GOLPH3: variants seen among roughly 807,000 people sequenced by gnomAD.
GOLPH3 encodes golgi phosphoprotein 3, also known as coat protein GPP34.
Under a neutral mutation model 28.5 loss-of-function variants are expected in GOLPH3, and 14 were observed. The ratio of observed to expected loss-of-function variants is 0.49; its 90% CI spans 0.32 to 0.77. The LOEUF (loss-of-function observed/expected upper bound fraction) is 0.77. GOLPH3 is among the 30% of genes least tolerant of loss of function. The pLI is 0.03. For missense variants in GOLPH3, 350 were observed against 393.7 expected, an observed-to-expected ratio of 0.89 and a Z score of 0.94; for synonymous variants, 158 against 159.2, an observed-to-expected ratio of 0.99 and a Z score of 0.06.
intron 1 of GOLPH3, among the ~76,000 whole-genome samples, chr5:32,155,766 T>C (rs1746405773): frequency 1.3e-5 from 2 of 148,694 alleles, no homozygotes; most frequent in Non-Finnish European, 3.0e-5. Context: ...GAGACCAGCC[T>C]GACCAACATG....
intron 2 of GOLPH3, among the ~76,000 whole-genome samples, chr5:32,142,510 C>T (rs1393600881): frequency 3.5e-5 from 5 of 144,848 alleles, no homozygotes; most frequent in South Asian, 2.2e-4. Context: ...CCGCCCCGTC[C>T]GGGAGGTGAG....
intron 2 of GOLPH3, among the ~76,000 whole-genome samples, chr5:32,136,476 C>T (rs1006146766): frequency 4.7e-5 from 7 of 147,916 alleles, no homozygotes; most frequent in Non-Finnish European, 8.9e-5. Flanking sequence ...AGCAAAACTC[C>T]GACTTAAAAA....
At chr5:32,164,587 A>C (rs1746665225) in intron 1 of GOLPH3, among the ~76,000 whole-genome samples, 1 of 151,796 alleles carries the variant, frequency 6.6e-6, no homozygotes, top group Non-Finnish European at 1.5e-5. Flanking sequence ...TAGTACAGAC[A>C]GGCTTTCACC....
At chr5:32,156,982 T>C (rs4282332) in intron 1 of GOLPH3, among the ~76,000 whole-genome samples, 111,319 of 152,186 alleles carry the variant, frequency 0.73, 41,439 homozygotes, top group African/African-American at 0.88. Flanking sequence ...TGGATTTGGG[T>C]GCCATCCACA....
intron 3 of GOLPH3, among the ~76,000 whole-genome samples, chr5:32,133,572 G>A (rs749540637): frequency 3.3e-5 from 5 of 152,162 alleles, no homozygotes; most frequent in African/African-American, 9.7e-5. Flanking sequence ...CAGTATAAAC[G>A]TTATTAGCAG....
intron 1 of GOLPH3, among the ~76,000 whole-genome samples, chr5:32,150,902 C>T (rs967154338): frequency 6.6e-6 from 1 of 152,170 alleles, no homozygotes; most frequent in Non-Finnish European, 1.5e-5. Context: ...TTTAAACAAA[C>T]GTGTTGGGAC....
intron 1 of GOLPH3, among the ~76,000 whole-genome samples, chr5:32,161,536 A>T (rs1746578184): frequency 6.6e-6 from 1 of 151,336 alleles, no homozygotes; most frequent in Non-Finnish European, 1.5e-5. Context: ...TGGAGCATCA[A>T]GGCGTAATGA....
rs1249172077 is a variant in GOLPH3, at chr5:32,173,965, C to G, written c.70G>C (p.Asp24His). 1.4e-6 allele frequency: 2 copies of G among 1,417,198 alleles called. No homozygotes were observed. The highest frequency in any genetic ancestry group is 9.2e-7 in the Non-Finnish European group (1 of 1,092,166). 87.8% of individuals were successfully genotyped at this position (1,417,198 alleles called of 1,614,324 possible). ...RRTEASRNAA[D>H]KERAAGGGAG... ...CCGCCGCCCGCCGCCCGCTCCTTGT[C>G]GGCGGCGTTGCGGGAGGCCTCGGTG... Residue 24 changes from aspartate to histidine, a missense_variant, in exon 1 of 4, where the codon GAC becomes CAC. Coordinates refer to ENST00000265070, the MANE Select transcript of GOLPH3 (RefSeq NM_022130.4).
intron 2 of GOLPH3, among the ~76,000 whole-genome samples, chr5:32,141,759 G>A (rs1429082578): frequency 1.3e-5 from 2 of 152,102 alleles, no homozygotes; most frequent in Admixed American, 6.5e-5. Flanking sequence ...GCGCCGCCAC[G>A]CCTGACTGGT....
intron 1 of GOLPH3, among the ~76,000 whole-genome samples, chr5:32,154,195 A>T (rs1746368474): frequency 6.6e-6 from 1 of 152,214 alleles, no homozygotes; most frequent in Non-Finnish European, 1.5e-5. Flanking sequence ...ACTAGATACC[A>T]CTGGAAGTAG....
At chr5:32,137,408 C>T (rs1745960400) in intron 2 of GOLPH3, among the ~76,000 whole-genome samples, 1 of 151,792 alleles carries the variant, frequency 6.6e-6, no homozygotes, top group Admixed American at 6.6e-5. Flanking sequence ...CCTATAATCC[C>T]AGCACTTTGG....
chr5:32,165,058 C>T (rs960464043), intron 1 of GOLPH3, among the ~76,000 whole-genome samples: 2 of 151,850 alleles, frequency 1.3e-5, no homozygotes, highest in African/African-American at 4.8e-5. Context: ...TACCACCCTG[C>T]CTGGCTAATT....
At position 32,143,895 on chromosome 5, in the gene GOLPH3, A is replaced by G; in HGVS notation, c.226-15T>C. 1.3e-6 allele frequency: 2 copies of G among 1,488,744 alleles called. No homozygotes were observed. The highest frequency in any genetic ancestry group is 2.7e-5 in the South Asian group (2 of 72,754). The allele number at this position is 1,488,744 out of a possible 1,614,324, so 92.2% of individuals were successfully genotyped here. On this transcript the variant is annotated splice_polypyrimidine_tract_variant and intron_variant, in intron 1 of 3. Coordinates refer to ENST00000265070, the MANE Select transcript of GOLPH3 (RefSeq NM_022130.4). ...GATGTGTAACCCTATTAAAAAAAGA[A>G]GAAGAAATAAAACAAAATAGCTAAT...
At position 32,173,872 on chromosome 5, in the gene GOLPH3, A is replaced by T. The variant is rs1746910534; in HGVS notation, c.163T>A (p.Ser55Thr). Residue 55 changes from serine to threonine, a missense_variant, in exon 1 of 4, where the codon TCC becomes ACC. Physicochemically the swap from Ser to Thr is moderately conservative, Grantham distance 58. Transcript: ENST00000265070. ...DEQDDDDKGD[S>T]KETRLTLMEE... is the part of the protein sequence containing the mutation. Reference sequence around the variant, plus strand: ...ATCAGGGTCAGCCGCGTTTCCTTGGAGTCGCCCTTGTCGTCGTCGTCCTGC... The same window carrying T: ...ATCAGGGTCAGCCGCGTTTCCTTGGTGTCGCCCTTGTCGTCGTCGTCCTGC... 1.3e-6 allele frequency: 2 copies of T among 1,528,246 alleles called. No homozygotes were observed. Among genetic ancestry groups the T allele is most frequent in the Non-Finnish European group, 1.8e-6 (2 of 1,140,964 alleles). 94.7% of individuals were successfully genotyped at this position (1,528,246 alleles called of 1,614,324 possible). A position where few individuals can be genotyped will look rare whatever the true frequency, so the allele number is the denominator to read the frequency against.
rs113189518 is a variant in GOLPH3 at position 32,140,382 on chromosome 5, A to C, written c.357+3367T>G. Among the ~76,000 whole-genome samples, 1,001 of 152,268 alleles carry C rather than the reference A, an allele frequency of 6.6e-3. 13 individuals carry two copies. The highest frequency in any genetic ancestry group is 0.022 in the African/African-American group (919 of 41,556). On this transcript the variant is annotated intron_variant, in intron 2 of 3. Coordinates refer to ENST00000265070, the MANE Select transcript of GOLPH3 (RefSeq NM_022130.4). ...AAAAAAATTAGCCAGGAGGCTGGGCACAGTGGCTTACGCCTATAATCCCAG... is the reference window on the plus strand; with the variant it reads ...AAAAAAATTAGCCAGGAGGCTGGGCCCAGTGGCTTACGCCTATAATCCCAG...
At chr5:32,149,462 CTTGAA>C (rs1248380760) in intron 1 of GOLPH3, among the ~76,000 whole-genome samples, 2 of 152,040 alleles carry the variant, frequency 1.3e-5, no homozygotes, top group Non-Finnish European at 2.9e-5. Context: ...ATCTGAAAAC[CTTGAA>C]TTGTACACTT....
intron 2 of GOLPH3, among the ~76,000 whole-genome samples, chr5:32,139,104 T>G (rs1342714932): frequency 6.6e-6 from 1 of 152,226 alleles, no homozygotes; most frequent in Admixed American, 6.5e-5. Context: ...CCTCTAAATC[T>G]TTCTGAAATG....
chr5:32,139,057 T>C (rs1481677454), intron 2 of GOLPH3, among the ~76,000 whole-genome samples: 1 of 152,220 alleles, frequency 6.6e-6, no homozygotes, highest in Non-Finnish European at 1.5e-5. Flanking sequence ...CACCAGAGCC[T>C]GGGTATAGTG....
chr5:32,135,973 G>A (rs949271799), intron 2 of GOLPH3, among the ~76,000 whole-genome samples: 3 of 152,090 alleles, frequency 2.0e-5, no homozygotes, highest in African/African-American at 4.8e-5. Context: ...CCAGGAATTC[G>A]ATACCAGCCC....
Sources: gnomAD v4.1 joint callset for allele counts (sites outside exome capture counted in the v4.1 genomes callset) on GRCh38, gnomAD v4.1.1 for gene constraint, MANE v1.5 for transcripts, NCBI Gene and HGNC (gene_info 2026-07-23, HGNC 2026-07-21) for gene names.